Variants in FN3K observed in about 807,000 individuals in gnomAD.
FN3K encodes the protein fructosamine 3 kinase, also known as fructosamine-3-kinase.
Under a neutral mutation model 24.8 loss-of-function variants are expected in FN3K, and 24 were observed. The observed-to-expected ratio is 0.97, with a 90% confidence interval of 0.70 to 1.36. The LOEUF is 1.36. Ranked by LOEUF, FN3K falls within the 40% of genes most tolerant of loss-of-function variation. FN3K has a pLI of 0.00. For missense variants in FN3K, 449 were observed against 416.7 expected (o/e 1.08, Z -0.67); for synonymous variants, 192 against 175.2 (o/e 1.10, Z -0.76).
At chr17:82,749,015 C>T (rs1568071206) in intron 5 of FN3K, 38 bp downstream of exon 5, 1 of 1,613,614 alleles carries the variant, frequency 6.2e-7, no homozygotes, top group Non-Finnish European at 8.5e-7. Flanking sequence ...AAGAGCTGGT[C>T]CTCTCATGAT....
At chr17:82,744,523 C>G (rs1328680785) in intron 4 of FN3K, among the ~76,000 whole-genome samples, 1 of 152,150 alleles carries the variant, frequency 6.6e-6, no homozygotes, top group African/African-American at 2.4e-5. Context: ...CTTCTGTCTG[C>G]TTCTCTCATG....
At chr17:82,741,860 T>C (rs2046942693) in intron 4 of FN3K, among the ~76,000 whole-genome samples, 1 of 152,262 alleles carries the variant, frequency 6.6e-6, no homozygotes, top group Non-Finnish European at 1.5e-5. Context: ...CGTGATGGTG[T>C]GCAACCATCA....
chr17:82,738,575 C>T lies in FN3K; in HGVS notation c.228C>T (p.Val76=), dbSNP rs2046920400. 2.5e-6 allele frequency: 4 copies of T among 1,614,016 alleles called. No homozygotes were observed. Among genetic ancestry groups the T allele is most frequent in the Non-Finnish European group, 3.4e-6 (4 of 1,179,994 alleles). ...GLVRVPRPMK[V]IDLPGGGAAF... The stretch of plus-strand genomic sequence containing the variant: ...TGCGGGTGCCGAGGCCCATGAAGGT[C>T]ATCGACCTGCCGGGAGGTGGGGCCG... The change falls in exon 2 of 6, where the codon GTC becomes GTT. Residue 76 remains valine (V), a synonymous_variant. Transcript: ENST00000300784.
rs765049179 is a variant in FN3K, at chr17:82,750,772, T to G, written c.*17T>G. 1.9e-6 allele frequency: 3 copies of G among 1,588,958 alleles called. No homozygotes were observed. The highest frequency in any genetic ancestry group is 1.4e-5 in the African/African-American group (1 of 72,294). On this transcript the variant is annotated 3_prime_UTR_variant, in exon 6 of 6. Coordinates refer to ENST00000300784, the MANE Select transcript of FN3K (RefSeq NM_022158.4). ...CTCAAGTAGCGGCCCCTGCCCTCCC[T>G]TCCCCTGTCCCCGTCCCCGTCTCCG...
intron 1 of FN3K, among the ~76,000 whole-genome samples, chr17:82,737,544 A>G (rs540237054): frequency 4.6e-5 from 7 of 152,212 alleles, no homozygotes; most frequent in South Asian, 4.1e-4. Flanking sequence ...GGATGGTCTC[A>G]ATCTCCTGAC....
At chr17:82,750,158 T>G (rs942898265) in intron 5 of FN3K, among the ~76,000 whole-genome samples, 1 of 152,184 alleles carries the variant, frequency 6.6e-6, no homozygotes, top group African/African-American at 2.4e-5. Flanking sequence ...CTGGTTCCTA[T>G]TCTGTGGGTC....
At chr17:82,747,945 A>G (rs1279138297) in intron 4 of FN3K, among the ~76,000 whole-genome samples, 4 of 152,190 alleles carry the variant, frequency 2.6e-5, no homozygotes, top group African/African-American at 4.8e-5. Context: ...GGTGGGCACC[A>G]TTGAGTCAAT....
rs1815355906 is a variant in FN3K, at chr17:82,735,644, A to C, written c.8A>C (p.Gln3Pro). 1 of 1,537,926 alleles carries C rather than the reference A, an allele frequency of 6.5e-7. No individual in the cohort carries two copies. The highest frequency in any genetic ancestry group is 8.7e-7 in the Non-Finnish European group (1 of 1,149,748). ME[Q>P]LLRAELRTAT... The stretch of plus-strand genomic sequence containing the variant: ...TCCCGCGCCCCGCACTCCATGGAGC[A>C]GCTGCTGCGCGCCGAGCTGCGCACC... Residue 3 changes from glutamine to proline, a missense_variant, in exon 1 of 6, where the codon CAG becomes CCG. Gln to Pro is a moderately conservative substitution (Grantham distance 76, BLOSUM62 -1). Transcript: ENST00000300784.
chr17:82,738,459 A>G (rs1287777242), intron 1 of FN3K, 30 bp from the exon 2 acceptor site: 1 of 1,611,466 alleles, frequency 6.2e-7, no homozygotes, highest in Non-Finnish European at 8.5e-7. Context: ...CTGAGTCAAC[A>G]AGGCTGACAA....
At chr17:82,749,506 A>G (rs76299686) in intron 5 of FN3K, 1 of 236,242 alleles carries the variant, frequency 4.2e-6, no homozygotes, top group Non-Finnish European at 8.5e-6. Context: ...TGTACTAAAA[A>G]TGCAAAAATT....
chr17:82,746,509 G>A (rs2379354), intron 4 of FN3K, among the ~76,000 whole-genome samples: 19,568 of 151,820 alleles, frequency 0.13, 1,476 homozygotes, highest in Non-Finnish European at 0.16. Flanking sequence ...TCTTGGAAGC[G>A]TCCTTCAGAG....
At chr17:82,737,074 G>C (rs2046906694) in intron 1 of FN3K, among the ~76,000 whole-genome samples, 1 of 152,096 alleles carries the variant, frequency 6.6e-6, no homozygotes, top group Non-Finnish European at 1.5e-5. Context: ...GCTGGGGTGT[G>C]CCGGCCGCCC....
intron 2 of FN3K, among the ~76,000 whole-genome samples, chr17:82,740,248 C>T (rs1281806294): frequency 6.6e-6 from 1 of 152,166 alleles, no homozygotes; most frequent in Non-Finnish European, 1.5e-5. Context: ...GCATTCCTCC[C>T]TTAATTCCTG....
intron 4 of FN3K, chr17:82,741,640 A>T (rs1005868830): frequency 2.1e-6 from 1 of 466,078 alleles, no homozygotes; most frequent in African/African-American, 2.0e-5. Context: ...CCTCAAGTGC[A>T]AAGGTTGTGT....
At position 82,735,746 on chromosome 17, in the gene FN3K, CA is replaced by C; in HGVS notation, c.111del (p.Val38CysfsTer37). 1 of 1,563,194 alleles carries C rather than the reference CA, an allele frequency of 6.4e-7. No homozygotes were observed. On this transcript the variant is annotated frameshift_variant, in exon 1 of 6. Transcript: ENST00000300784. LOFTEE classifies it high-confidence loss of function. ...CGAGCCTACGACACGGACGCAGGCC[CA>C]GTGTTCGTCAAAGTCAACCGCAGGA... ...EGRAYDTDAG[P>X]VFVKVNRRTQ...
Position 82,735,652 on chromosome 17 carries a change from C to G in FN3K, c.16C>G (p.Arg6Gly). 6.5e-6 allele frequency: 10 copies of G among 1,538,096 alleles called. No individual in the cohort carries two copies. Among genetic ancestry groups the G allele is most frequent in the Non-Finnish European group, 8.7e-6 (10 of 1,149,286 alleles). Residue 6 changes from arginine to glycine, a missense_variant, in exon 1 of 6, where the codon CGC becomes GGC. Coordinates refer to ENST00000300784, the MANE Select transcript of FN3K (RefSeq NM_022158.4). Reference sequence around the variant, plus strand: ...CCCGCACTCCATGGAGCAGCTGCTGCGCGCCGAGCTGCGCACCGCGACCCT... The same window carrying G: ...CCCGCACTCCATGGAGCAGCTGCTGGGCGCCGAGCTGCGCACCGCGACCCT... MEQLLRAELRTATLRA... is the reference protein window; with the variant it reads MEQLLGAELRTATLRA...
In FN3K at chr17:82,750,528, C is replaced by G. The variant is rs981591498; in HGVS notation, c.703C>G (p.Pro235Ala). Residue 235 changes from proline to alanine, a missense_variant, in exon 6 of 6, where the codon CCG (proline) becomes GCG (alanine). Physicochemically the swap from Pro to Ala is conservative, Grantham distance 27 (BLOSUM62 -1). Transcript: ENST00000300784. ...EDDVGPIIYD[P>A]ASFYGHSEFE... is the part of the protein sequence containing the mutation. The stretch of plus-strand genomic sequence containing the variant: ...CGACGTGGGGCCCATTATTTACGAC[C>G]CGGCTTCCTTCTATGGCCATTCCGA... 1 of 1,614,068 alleles carries G rather than the reference C, an allele frequency of 6.2e-7. No homozygotes were observed. Among genetic ancestry groups the G allele is most frequent in the Non-Finnish European group, 8.5e-7 (1 of 1,180,032 alleles).
chr17:82,737,392 C>T (rs1257986556), intron 1 of FN3K, among the ~76,000 whole-genome samples: 5 of 151,974 alleles, frequency 3.3e-5, no homozygotes, highest in Admixed American at 6.6e-5. Context: ...GGCTGGATCT[C>T]GGCTCACTGC....
At position 82,750,777 on chromosome 17, in the gene FN3K, C is replaced by G. The variant is rs2047014832; in HGVS notation, c.*22C>G. ...GTAGCGGCCCCTGCCCTCCCTTCCC[C>G]TGTCCCCGTCCCCGTCTCCGTCTCC... On this transcript the variant is annotated 3_prime_UTR_variant, in exon 6 of 6. Coordinates refer to ENST00000300784, the MANE Select transcript of FN3K (RefSeq NM_022158.4). 1 of 1,594,136 alleles carries G rather than the reference C, an allele frequency of 6.3e-7. No individual in the cohort carries two copies.
Sources: gnomAD v4.1 joint callset for allele counts (sites outside exome capture counted in the v4.1 genomes callset) on GRCh38, gnomAD v4.1.1 for gene constraint, MANE v1.5 for transcripts, NCBI Gene and HGNC (gene_info 2026-07-23, HGNC 2026-07-21) for gene names.